Variants in RIMS1 observed in about 807,000 individuals in gnomAD.
The protein encoded by RIMS1 is regulating synaptic membrane exocytosis protein 1.
Under a neutral mutation model 214.1 loss-of-function variants are expected in RIMS1, and 83 were observed. The ratio of observed to expected loss-of-function variants is 0.39; its 90% confidence interval spans 0.32 to 0.47. RIMS1 has a LOEUF of 0.47. RIMS1 is among the 20% of genes least tolerant of loss of function. The pLI, the probability that RIMS1 is intolerant of heterozygous loss-of-function variation, is 0.99. For synonymous variants in RIMS1, 793 were observed against 786.8 expected (o/e 1.01, Z -0.13); for missense variants, 2,050 against 2,161.8 (o/e 0.95, Z 1.03).
At chr6:72,062,851 A>G (rs554198956) in intron 2 of RIMS1, among the ~76,000 whole-genome samples, 1 of 152,150 alleles carries the variant, frequency 6.6e-6, no homozygotes, top group African/African-American at 2.4e-5. Flanking sequence ...CGCCATCTTC[A>G]CAAGGCACAT....
chr6:72,016,448 G>A (rs1812789185), intron 2 of RIMS1, among the ~76,000 whole-genome samples: 1 of 152,042 alleles, frequency 6.6e-6, no homozygotes, highest in Admixed American at 6.6e-5. Context: ...TTGTTTCTTG[G>A]GGCAGCTGGT....
At chr6:72,261,531 A>G in intron 19 of RIMS1, 1 of 924,090 alleles carries the variant, frequency 1.1e-6, no homozygotes, top group Non-Finnish European at 1.3e-6. Context: ...CATATTCTAT[A>G]AATACTTAAT....
intron 4 of RIMS1, among the ~76,000 whole-genome samples, chr6:72,125,273 C>G (rs998880397): frequency 8.5e-5 from 13 of 152,200 alleles, no homozygotes; most frequent in African/African-American, 3.1e-4. Flanking sequence ...TGCTGGCAGT[C>G]CATTCCAGAC....
At chr6:72,178,698 T>C (rs1272395670) in intron 4 of RIMS1, among the ~76,000 whole-genome samples, 2 of 152,242 alleles carry the variant, frequency 1.3e-5, no homozygotes, top group Non-Finnish European at 2.9e-5. Context: ...TGTTAGCACC[T>C]ATCTTTGCCC....
At chr6:72,122,307 C>T (rs918900796) in intron 4 of RIMS1, among the ~76,000 whole-genome samples, 5 of 150,266 alleles carry the variant, frequency 3.3e-5, no homozygotes, top group African/African-American at 1.2e-4. Context: ...CAGGTTCATG[C>T]CATTCTCCTG....
intron 9 of RIMS1, among the ~76,000 whole-genome samples, chr6:72,240,595 A>G (rs2066357268): frequency 7.1e-6 from 1 of 140,804 alleles, no homozygotes; most frequent in Non-Finnish European, 1.6e-5. Context: ...CACTCTTAAT[A>G]TATTATAAAT....
At chr6:72,110,663 C>T (rs1479603676) in intron 4 of RIMS1, among the ~76,000 whole-genome samples, 7 of 151,056 alleles carry the variant, frequency 4.6e-5, no homozygotes, top group Non-Finnish European at 1.0e-4. Context: ...GACAATTTGA[C>T]TTCCTCTTTT....
intron 6 of RIMS1, among the ~76,000 whole-genome samples, chr6:72,185,648 T>C (rs2048992983): frequency 6.6e-6 from 1 of 152,242 alleles, no homozygotes; most frequent in African/African-American, 2.4e-5. Flanking sequence ...TGACTTCTTT[T>C]ACCACATGGA....
At chr6:72,344,054 A>G (rs2097183656) in intron 29 of RIMS1, among the ~76,000 whole-genome samples, 1 of 151,822 alleles carries the variant, frequency 6.6e-6, no homozygotes, top group Non-Finnish European at 1.5e-5. Context: ...TATGGTCCTT[A>G]GACAATAATT....
chr6:72,285,169 T>A (rs1341492948), intron 24 of RIMS1, among the ~76,000 whole-genome samples: 1 of 152,180 alleles, frequency 6.6e-6, no homozygotes, highest in Non-Finnish European at 1.5e-5. Flanking sequence ...TCAACTTCTT[T>A]ATTGATCTGT....
At chr6:72,122,237 C>T (rs2038529594) in intron 4 of RIMS1, among the ~76,000 whole-genome samples, 1 of 139,384 alleles carries the variant, frequency 7.2e-6, no homozygotes, top group Non-Finnish European at 1.5e-5. Context: ...TGGAGTCTCA[C>T]TCTTTCTCCC....
At chr6:72,260,354 A>G (rs1212822025) in intron 18 of RIMS1, among the ~76,000 whole-genome samples, 1 of 152,140 alleles carries the variant, frequency 6.6e-6, no homozygotes, top group African/African-American at 2.4e-5. Context: ...TCCCATTAGT[A>G]TCAGGCCAAA....
chr6:72,150,803 T>C (rs1349664835), intron 4 of RIMS1, among the ~76,000 whole-genome samples: 2 of 152,222 alleles, frequency 1.3e-5, no homozygotes, highest in Admixed American at 6.5e-5. Context: ...CCCCTCATGC[T>C]CTTTTCCTCA....
chr6:72,158,005 A>T lies in RIMS1; in HGVS notation c.472-21570A>T, dbSNP rs747799511. ...CACCATTAACATAGCTTATCCCCAC[A>T]AATATTTTATGTTATTATTGTGTGA... On this transcript the variant is annotated intron_variant, in intron 4 of 33. Transcript: ENST00000521978. Among the ~76,000 whole-genome samples, 11 of 140,586 alleles carry T rather than the reference A, an allele frequency of 7.8e-5. 3 individuals carry two copies. The highest frequency in any genetic ancestry group is 1.8e-4 in the Non-Finnish European group (11 of 61,876). 92.2% of individuals were successfully genotyped at this position (140,586 alleles called of 152,430 possible).
intron 4 of RIMS1, among the ~76,000 whole-genome samples, chr6:72,152,718 G>GC: frequency 1.2e-5 from 1 of 81,396 alleles, no homozygotes; most frequent in Non-Finnish European, 2.2e-5. Flanking sequence ...ATATATATGT[G>GC]AATATATATA....
At chr6:72,357,888 C>T (rs373671671) in intron 29 of RIMS1, among the ~76,000 whole-genome samples, 1 of 152,064 alleles carries the variant, frequency 6.6e-6, no homozygotes, top group South Asian at 2.1e-4. Flanking sequence ...TAAAGATAAA[C>T]ATATATTAGG....
intron 29 of RIMS1, among the ~76,000 whole-genome samples, chr6:72,365,013 G>T (rs2097944469): frequency 6.6e-6 from 1 of 152,168 alleles, no homozygotes; most frequent in Non-Finnish European, 1.5e-5. Context: ...TGTCTACGGG[G>T]CATAGCCAGG....
At chr6:72,075,416 T>A (rs1304236521) in intron 2 of RIMS1, among the ~76,000 whole-genome samples, 1 of 150,934 alleles carries the variant, frequency 6.6e-6, no homozygotes, top group Non-Finnish European at 1.5e-5. Flanking sequence ...CCTCTTTAAG[T>A]ATTTTCAGAC....
chr6:72,277,266 A>G lies in RIMS1; in HGVS notation c.3482+2834A>G, dbSNP rs2086937252. Among the ~76,000 whole-genome samples the G allele has an allele frequency of 3.3e-5, 5 of 152,156 alleles. 1 individual carries two copies. The South Asian group carries it at 1.0e-3, about 31-fold the overall frequency. On this transcript the variant is annotated intron_variant, in intron 23 of 33. Coordinates refer to ENST00000521978, the MANE Select transcript of RIMS1 (RefSeq NM_014989.7). The stretch of plus-strand genomic sequence containing the variant: ...TACCATAGATTTATTTGGAATTAAC[A>G]TGAAGGTACTTTTATCTAAGAATAT...
Sources: gnomAD v4.1 joint callset for allele counts (sites outside exome capture counted in the v4.1 genomes callset) on GRCh38, gnomAD v4.1.1 for gene constraint, MANE v1.5 for transcripts, NCBI Gene and HGNC (gene_info 2026-07-23, HGNC 2026-07-21) for gene names.